The following D2HGDH variants were observed in gnomAD, a reference collection of about 807,000 sequenced individuals.
The protein encoded by D2HGDH is D-2-hydroxyglutarate dehydrogenase, mitochondrial.
Under a neutral mutation model 46.9 loss-of-function variants are expected in D2HGDH, and 31 were observed. That is an observed-to-expected ratio of 0.66 (90% CI 0.50 to 0.89). The LOEUF is 0.89. Among genes scored for constraint, D2HGDH ranks in the 40% least tolerant of loss-of-function variants. The probability of loss-of-function intolerance (pLI) is 0.00; values close to 1 mark genes in which losing one functional copy is unlikely to be tolerated. For missense variants in D2HGDH, 698 were observed against 720.8 expected (o/e 0.97, Z 0.36); for synonymous variants, 364 against 332.6 (o/e 1.09, Z -1.03).
chr2:241,735,263 G>A lies in D2HGDH; in HGVS notation c.39G>A (p.Leu13=), dbSNP rs1360221669. ...GGCCTCTGGCGTGGCCCGCGTGGCTGTTGCGGGGTGCTCCGGGAGCCGCGG... is the reference window on the plus strand; with the variant it reads ...GGCCTCTGGCGTGGCCCGCGTGGCTATTGCGGGGTGCTCCGGGAGCCGCGG... ...PRRPLAWPAW[L]LRGAPGAAGS... Residue 13 remains leucine, a synonymous_variant, in exon 2 of 10, where the codon CTG becomes CTA. Coordinates refer to ENST00000321264, the MANE Select transcript of D2HGDH (RefSeq NM_152783.5). The A allele has an allele frequency of 4.0e-5, 61 of 1,520,170 alleles. No individual in the cohort carries two copies. Among genetic ancestry groups the A allele is most frequent in the Non-Finnish European group, 4.9e-5 (56 of 1,141,774 alleles). The allele number at this position is 1,520,170 out of a possible 1,614,324, so 94.2% of individuals were successfully genotyped here.
chr2:241,755,368 C>T (rs140130962), intron 8 of D2HGDH: 3 of 1,303,744 alleles, frequency 2.3e-6, no homozygotes, highest in Non-Finnish European at 3.0e-6. Context: ...TCTGCGCCCC[C>T]TTCCCTACCC....
chr2:241,761,206 T>A (rs960330946), intron 9 of D2HGDH, among the ~76,000 whole-genome samples: 5 of 152,138 alleles, frequency 3.3e-5, no homozygotes, highest in Non-Finnish European at 7.3e-5. Context: ...AGCATTTCCG[T>A]CGTACCAGGA....
chr2:241,767,825 G>A lies in D2HGDH; in HGVS notation c.1422G>A (p.Ala474=), dbSNP rs771487049. The change falls in exon 10 of 10, where the codon GCG becomes GCA. Residue 474 remains alanine, a synonymous_variant. Coordinates refer to ENST00000321264, the MANE Select transcript of D2HGDH (RefSeq NM_152783.5). The stretch of plus-strand genomic sequence containing the variant: ...CCGGGCAGCAGGGCAGCGTCAGCGC[G>A]GAGCACGGAGTGGGCTTCAGGAAGA... ...WTAGQQGSVS[A]EHGVGFRKRD... 3.3e-5 allele frequency: 54 copies of A among 1,612,302 alleles called. No individual in the cohort carries two copies. Among genetic ancestry groups the A allele is most frequent in the African/African-American group, 8.0e-5 (6 of 74,880 alleles).
intron 6 of D2HGDH, chr2:241,748,986 C>G (rs1418097088): frequency 1.6e-6 from 2 of 1,249,888 alleles, no homozygotes; most frequent in Non-Finnish European, 2.1e-6. Context: ...ACGCCCACGT[C>G]TAAGCCGGGT....
chr2:241,737,076 C>T (rs903892608), intron 2 of D2HGDH, among the ~76,000 whole-genome samples: 1 of 151,180 alleles, frequency 6.6e-6, no homozygotes, highest in African/African-American at 2.4e-5. Flanking sequence ...TCACGCCATT[C>T]TCCTGCCTCC....
chr2:241,742,869 GTGGCAGGCA>G lies in D2HGDH; in HGVS notation c.490+298_490+306del, dbSNP rs1694860650. Among the ~76,000 whole-genome samples, 4 of 149,506 alleles carry G rather than the reference GTGGCAGGCA, an allele frequency of 2.7e-5. No homozygotes were observed. The South Asian group carries it at 6.3e-4, about 24-fold the overall frequency. On this transcript the variant is annotated intron_variant, in intron 4 of 9. Transcript: ENST00000321264. This position sits in a 1 kb window ranked among gnomAD's most constrained non-coding sequence, Gnocchi z 4.8. ...GGATCCTGACCCAGGGTGCCAGGGC[GTGGCAGGCA>G]TGAGGGGATCCTGACCCAGGGCGCC...
intron 9 of D2HGDH, among the ~76,000 whole-genome samples, chr2:241,764,163 C>T (rs1362612160): frequency 2.0e-5 from 3 of 151,504 alleles, no homozygotes; most frequent in South Asian, 2.1e-4. Flanking sequence ...GGCCTGAGCA[C>T]GCATCCGTGG....
intron 6 of D2HGDH, chr2:241,749,423 G>A: frequency 8.2e-7 from 1 of 1,224,104 alleles, no homozygotes; most frequent in Non-Finnish European, 1.0e-6. Context: ...CCCTCCTGCT[G>A]CAGCGTCTCT....
chr2:241,752,188 C>G (rs1697369105), intron 8 of D2HGDH, among the ~76,000 whole-genome samples: 1 of 152,186 alleles, frequency 6.6e-6, no homozygotes, highest in Non-Finnish European at 1.5e-5. Context: ...TGCCATCTTC[C>G]CCCCTCACCT....
chr2:241,761,093 C>T (rs981196651), intron 9 of D2HGDH, among the ~76,000 whole-genome samples: 6 of 152,160 alleles, frequency 3.9e-5, no homozygotes, highest in Non-Finnish European at 7.4e-5. Context: ...TTTATGGTGG[C>T]CCCTGTATTT....
At chr2:241,749,367 C>G (rs1696691176) in intron 6 of D2HGDH, 1 of 1,283,770 alleles carries the variant, frequency 7.8e-7, no homozygotes, top group Non-Finnish European at 1.0e-6. Context: ...TATCCACATG[C>G]CTTTGCATTG....
intron 9 of D2HGDH, among the ~76,000 whole-genome samples, chr2:241,763,881 C>T (rs184266416): frequency 1.3e-5 from 2 of 151,962 alleles, no homozygotes; most frequent in African/African-American, 4.8e-5. Context: ...GACCACCCGC[C>T]GTTTCTACAA....
intron 2 of D2HGDH, among the ~76,000 whole-genome samples, chr2:241,740,457 G>C (rs1054303053): frequency 6.6e-6 from 1 of 152,212 alleles, no homozygotes; most frequent in African/African-American, 2.4e-5. Flanking sequence ...TCATCCATGG[G>C]CCCAGCCTTA....
At chr2:241,739,743 CTT>C (rs886168633) in intron 2 of D2HGDH, among the ~76,000 whole-genome samples, 13 of 152,252 alleles carry the variant, frequency 8.5e-5, no homozygotes, top group Non-Finnish European at 1.5e-4. Context: ...GCGGCCAAGA[CTT>C]ATAGCCCAGT....
At position 241,735,370 on chromosome 2, in the gene D2HGDH, G is replaced by C. The variant is rs1400203849; in HGVS notation, c.146G>C (p.Arg49Pro). 1 of 1,576,512 alleles carries C rather than the reference G, an allele frequency of 6.3e-7. No individual in the cohort carries two copies. Among genetic ancestry groups the C allele is most frequent in the Non-Finnish European group, 8.6e-7 (1 of 1,165,224 alleles). ...APGTPEVPLT[R>P]ERYPVRRLPF... is the part of the protein sequence containing the mutation. Reference sequence around the variant, plus strand: ...GGGACCCCCGAGGTGCCGCTGACCCGGGAGCGCTACCCCGTGCGGCGCTTG... The same window carrying C: ...GGGACCCCCGAGGTGCCGCTGACCCCGGAGCGCTACCCCGTGCGGCGCTTG... The change falls in exon 2 of 10, where the codon CGG becomes CCG. Residue 49 changes from arginine to proline, a missense_variant. Physicochemically the swap from Arg to Pro is moderately radical, Grantham distance 103 (BLOSUM62 -2). Transcript: ENST00000321264.
At chr2:241,744,647 AG>A in intron 5 of D2HGDH, 61 bp from the exon 6 acceptor site, 1 of 1,606,800 alleles carries the variant, frequency 6.2e-7, no homozygotes, top group Non-Finnish European at 8.5e-7. Context: ...CTGGCCCCGG[AG>A]GCGACCGACG....
rs1385224888 is a variant in D2HGDH at position 241,735,310 on chromosome 2, GC to G, written c.91del (p.Leu31TrpfsTer17). 1.3e-6 allele frequency: 2 copies of G among 1,532,542 alleles called. No homozygotes were observed. Among genetic ancestry groups the G allele is most frequent in the East Asian group, 2.5e-5 (1 of 40,680 alleles). 94.9% of individuals were successfully genotyped at this position (1,532,542 alleles called of 1,614,324 possible). A position where few individuals can be genotyped will look rare whatever the true frequency, so the allele number is the denominator to read the frequency against. ...GCGGGTTCTTGGGGTCGGCCGGTTG[GC>G]CCCCTGGCCCGCAGAGGCTGCTGCT... ...GAAGSWGRPV[G>X]PLARRGCCSA... On this transcript the variant is annotated frameshift_variant, in exon 2 of 10. Transcript: ENST00000321264. LOFTEE classifies it high-confidence loss of function.
chr2:241,763,124 C>T (rs1245027066), intron 9 of D2HGDH, among the ~76,000 whole-genome samples: 4 of 152,154 alleles, frequency 2.6e-5, no homozygotes, highest in African/African-American at 4.8e-5. Context: ...GCGTGAGTTC[C>T]GGGTGCAGGC....
intron 9 of D2HGDH, among the ~76,000 whole-genome samples, chr2:241,758,536 G>A (rs994483608): frequency 6.6e-6 from 1 of 152,078 alleles, no homozygotes; most frequent in Non-Finnish European, 1.5e-5. Context: ...GGAGTGCAGT[G>A]GCTCACCACA....
Sources: gnomAD v4.1 joint callset for allele counts (sites outside exome capture counted in the v4.1 genomes callset) on GRCh38, gnomAD v4.1.1 for gene constraint, Gnocchi (gnomAD v3.1) non-coding constraint, MANE v1.5 for transcripts, NCBI Gene and HGNC (gene_info 2026-07-23, HGNC 2026-07-21) for gene names.